SOX5: variants seen among roughly 807,000 people sequenced by gnomAD.
SOX5 encodes the protein transcription factor SOX-5.
SOX5 carries 9 observed loss-of-function variants against 92.0 expected under a neutral mutation model. The observed-to-expected ratio is 0.10, with a 90% CI of 0.06 to 0.17. The LOEUF is 0.17. SOX5 is among the 10% of genes least tolerant of loss of function. SOX5 has a pLI of 1.00. For synonymous variants in SOX5, 344 were observed against 336.3 expected, an observed-to-expected ratio of 1.02 and a Z score of -0.25; for missense variants, 642 against 944.5, an observed-to-expected ratio of 0.68 and a Z score of 4.20.
At chr12:23,997,731 T>A (rs1211171013) in intron 4 of SOX5, among the ~76,000 whole-genome samples, 1 of 152,190 alleles carries the variant, frequency 6.6e-6, no homozygotes, top group Non-Finnish European at 1.5e-5. Context: ...TCAAAGTGTT[T>A]AAGCAAAACC....
intron 4 of SOX5, among the ~76,000 whole-genome samples, chr12:23,997,167 A>G (rs1374108005): frequency 7.2e-5 from 11 of 152,176 alleles, no homozygotes; most frequent in Non-Finnish European, 1.3e-4. Context: ...AGCCTCAGAA[A>G]AACAATAAGA....
At chr12:24,509,372 T>C (rs1332372850) in intron 1 of SOX5, among the ~76,000 whole-genome samples, 1 of 152,114 alleles carries the variant, frequency 6.6e-6, no homozygotes, top group Non-Finnish European at 1.5e-5. Context: ...TTTTCCTCCA[T>C]AGTAGTCTCC....
At chr12:23,949,762 CTCTG>C (rs1569217102), upstream of SOX5, 76 of 754,788 alleles carry the variant, frequency 1.0e-4, no homozygotes, top group Admixed American at 1.9e-4. Flanking sequence ...CCCTCTCTCT[CTCTG>C]TCTCTCTCTC....
intron 1 of SOX5, among the ~76,000 whole-genome samples, chr12:24,410,155 G>A (rs1596374100): frequency 6.6e-6 from 1 of 152,112 alleles, no homozygotes; most frequent in South Asian, 2.1e-4. Context: ...ATGCCACCAT[G>A]TCTGGCTAAT....
intron 1 of SOX5, among the ~76,000 whole-genome samples, chr12:24,429,552 A>T (rs1937846994): frequency 6.6e-6 from 1 of 152,132 alleles, no homozygotes; most frequent in African/African-American, 2.4e-5. Context: ...AAAATAAATT[A>T]AAAACAATGA....
intron 1 of SOX5, among the ~76,000 whole-genome samples, chr12:24,429,625 TACACACACACACAC>T (rs148679940): frequency 1.4e-3 from 199 of 140,764 alleles, no homozygotes; most frequent in Non-Finnish European, 2.4e-3. Context: ...CACACACACA[TACACACACACACAC>T]ACACACACAC....
In SOX5 at chr12:24,484,023, C is replaced by T. The variant is rs781072263; in HGVS notation, c.-251+78306G>A. On this transcript the variant is annotated intron_variant, in intron 1 of 4. Transcript: ENST00000446891. ...TTTGTATATGCTGCTGACTTAAAAGCGTTGTGAGAAATTTGCAACGTTTAT... is the reference window on the plus strand; with the variant it reads ...TTTGTATATGCTGCTGACTTAAAAGTGTTGTGAGAAATTTGCAACGTTTAT... 5.9e-5 allele frequency among the ~76,000 whole-genome samples: 9 copies of T among 152,258 alleles called. No individual in the cohort carries two copies. In the South Asian group the frequency reaches 1.2e-3, roughly 21 times the overall value.
intron 4 of SOX5, among the ~76,000 whole-genome samples, chr12:24,050,281 A>AT (rs1252387318): frequency 6.6e-6 from 1 of 152,046 alleles, no homozygotes; most frequent in East Asian, 1.9e-4. Context: ...TAGGTTTTTC[A>AT]TTTTTTTGTA....
chr12:24,147,250 T>A (rs932596620), intron 4 of SOX5, among the ~76,000 whole-genome samples: 2 of 152,134 alleles, frequency 1.3e-5, no homozygotes, highest in African/African-American at 4.8e-5. Context: ...CAAATTCAAG[T>A]GGAATTTATA....
chr12:24,508,621 G>A (rs1949022577), intron 1 of SOX5, among the ~76,000 whole-genome samples: 1 of 152,176 alleles, frequency 6.6e-6, no homozygotes, highest in Admixed American at 6.5e-5. Flanking sequence ...AATATATGCA[G>A]CAGCTGAAAC....
intron 3 of SOX5, among the ~76,000 whole-genome samples, chr12:23,779,025 G>C (rs1289541166): frequency 6.6e-6 from 1 of 152,212 alleles, no homozygotes; most frequent in Non-Finnish European, 1.5e-5. Flanking sequence ...CACTGTAGCA[G>C]AGAAACTATT....
intron 6 of SOX5, among the ~76,000 whole-genome samples, chr12:23,731,720 G>C (rs1347610091): frequency 2.0e-5 from 3 of 152,068 alleles, no homozygotes; most frequent in Non-Finnish European, 2.9e-5. Flanking sequence ...TACCCCACTT[G>C]ATGTATTGGA....
At chr12:23,538,317 A>T (rs1941074297) in intron 13 of SOX5, among the ~76,000 whole-genome samples, 1 of 152,250 alleles carries the variant, frequency 6.6e-6, no homozygotes, top group South Asian at 2.1e-4. Flanking sequence ...GCATAGGTAT[A>T]AATATAGATT....
intron 1 of SOX5, among the ~76,000 whole-genome samples, chr12:24,525,949 C>T (rs979246135): frequency 6.6e-6 from 1 of 152,076 alleles, no homozygotes; most frequent in Non-Finnish European, 1.5e-5. Context: ...CGGCTCACTG[C>T]AGCCCCGCAC....
chr12:23,853,978 T>A (rs936682637), intron 2 of SOX5, among the ~76,000 whole-genome samples: 3 of 152,132 alleles, frequency 2.0e-5, no homozygotes, highest in Non-Finnish European at 4.4e-5. Context: ...AGCCACTGAT[T>A]AGATATAATT....
intron 1 of SOX5, among the ~76,000 whole-genome samples, chr12:23,904,391 A>C (rs1367898226): frequency 6.6e-6 from 1 of 152,164 alleles, no homozygotes; most frequent in Non-Finnish European, 1.5e-5. Flanking sequence ...AGGTCCTGGC[A>C]TAAAATATAA....
At chr12:23,842,367 T>A (rs996217763) in intron 3 of SOX5, among the ~76,000 whole-genome samples, 2 of 152,110 alleles carry the variant, frequency 1.3e-5, no homozygotes, top group East Asian at 3.9e-4. Context: ...GTTAGAGACA[T>A]TAGTAAGAAC....
chr12:23,649,330 C>T (rs1406001714), intron 7 of SOX5, among the ~76,000 whole-genome samples: 1 of 151,932 alleles, frequency 6.6e-6, no homozygotes, highest in African/African-American at 2.4e-5. Context: ...CTATTTGCGC[C>T]ATTCCTCAAT....
intron 1 of SOX5, among the ~76,000 whole-genome samples, chr12:24,514,489 T>G (rs961054041): frequency 6.6e-6 from 1 of 152,168 alleles, no homozygotes; most frequent in Non-Finnish European, 1.5e-5. Context: ...TTACCCAACA[T>G]TTTTCTCATT....
Sources: gnomAD v4.1 joint callset for allele counts (sites outside exome capture counted in the v4.1 genomes callset) on GRCh38, gnomAD v4.1.1 for gene constraint, MANE v1.5 for transcripts, NCBI Gene and HGNC (gene_info 2026-07-23, HGNC 2026-07-21) for gene names.